Variants in PTPRG observed in about 807,000 individuals in gnomAD.
The protein encoded by PTPRG is protein tyrosine phosphatase receptor type G.
A neutral mutation model predicts 165.3 loss-of-function variants in PTPRG; 102 were observed. The ratio of observed to expected loss-of-function variants is 0.62; its 90% confidence interval spans 0.53 to 0.73. The LOEUF is 0.73. Among genes scored for constraint, PTPRG ranks in the 30% least tolerant of loss-of-function variants. The probability of loss-of-function intolerance (pLI) is 0.00; values close to 1 mark genes in which losing one functional copy is unlikely to be tolerated. For missense variants in PTPRG, 1,866 were observed against 1,861.4 expected (o/e 1.00, Z -0.05); for synonymous variants, 675 against 669.5 (o/e 1.01, Z -0.13).
chr3:62,158,049 T>C (rs770666361), intron 7 of PTPRG, among the ~76,000 whole-genome samples: 1 of 152,114 alleles, frequency 6.6e-6, no homozygotes, highest in Non-Finnish European at 1.5e-5. Flanking sequence ...GACCACTATA[T>C]TGTACTGCTT....
chr3:61,767,044 G>A (rs1316596195), intron 2 of PTPRG, among the ~76,000 whole-genome samples: 4 of 151,638 alleles, frequency 2.6e-5, no homozygotes, highest in Non-Finnish European at 5.9e-5. Context: ...AGGAGTTCGA[G>A]ACCATCCCGG....
chr3:62,264,681 C>G (rs1010872228), intron 17 of PTPRG, among the ~76,000 whole-genome samples: 3 of 152,072 alleles, frequency 2.0e-5, no homozygotes, highest in Admixed American at 1.3e-4. Context: ...AGCATTTTGT[C>G]TATTCATTCA....
intron 2 of PTPRG, among the ~76,000 whole-genome samples, chr3:61,880,377 C>A (rs566874121): frequency 6.6e-6 from 1 of 152,102 alleles, no homozygotes; most frequent in Non-Finnish European, 1.5e-5. Context: ...CCCAGAACTT[C>A]GGGAGACCAA....
At chr3:61,643,281 G>GAGAGAGAGAGAGAC (rs1702114067) in intron 1 of PTPRG, among the ~76,000 whole-genome samples, 1 of 151,954 alleles carries the variant, frequency 6.6e-6, no homozygotes, top group Non-Finnish European at 1.5e-5. Context: ...GAGAGAAAGA[G>GAGAGAGAGAGAGAC]AGAGAGAGAG....
At chr3:62,079,449 A>G (rs901017236) in intron 5 of PTPRG, among the ~76,000 whole-genome samples, 1 of 152,242 alleles carries the variant, frequency 6.6e-6, no homozygotes, top group Non-Finnish European at 1.5e-5. Flanking sequence ...GTGACGTAAA[A>G]TAATATAGAA....
chr3:61,779,290 GTGGAAGATATAA>G (rs1481279479), intron 2 of PTPRG, among the ~76,000 whole-genome samples: 3 of 152,314 alleles, frequency 2.0e-5, no homozygotes, highest in Admixed American at 1.3e-4. Flanking sequence ...GGAGGAAAAA[GTGGAAGATATAA>G]TGCTATACAA....
At chr3:62,178,994 T>C (rs767312885) in intron 8 of PTPRG, among the ~76,000 whole-genome samples, 2 of 152,156 alleles carry the variant, frequency 1.3e-5, no homozygotes, top group Non-Finnish European at 1.5e-5. Flanking sequence ...CTGCGAGACA[T>C]TGGTGTGCCT....
intron 4 of PTPRG, among the ~76,000 whole-genome samples, chr3:62,031,680 G>T (rs1345275021): frequency 6.6e-6 from 1 of 152,144 alleles, no homozygotes; most frequent in East Asian, 1.9e-4. Context: ...GCTAAGTGAT[G>T]GTGGTTACTA....
Position 61,629,837 on chromosome 3 carries a change from G to T in PTPRG, c.85+67465G>T, listed in dbSNP as rs550226731. Among the ~76,000 whole-genome samples the T allele has an allele frequency of 2.2e-4, 33 of 152,292 alleles. No individual in the cohort carries two copies. In the South Asian group the frequency reaches 6.4e-3, roughly 30 times the overall value. On this transcript the variant is annotated intron_variant, in intron 1 of 29. Coordinates refer to ENST00000474889, the MANE Select transcript of PTPRG (RefSeq NM_002841.4). ...TCCTAGAGGCTCTCTGTGTTAACTG[G>T]CATTGTTTAAGTGTAACATGTCTTC...
intron 1 of PTPRG, among the ~76,000 whole-genome samples, chr3:61,727,039 T>C (rs1575613205): frequency 7.4e-6 from 1 of 135,756 alleles, no homozygotes. Flanking sequence ...ACAGTGAGAC[T>C]CCGTCTCAAA....
At chr3:62,028,923 G>T (rs1360179526) in intron 4 of PTPRG, among the ~76,000 whole-genome samples, 1 of 152,130 alleles carries the variant, frequency 6.6e-6, no homozygotes, top group Admixed American at 6.5e-5. Context: ...TACTCACTGA[G>T]AGTCCTTTGG....
intron 1 of PTPRG, among the ~76,000 whole-genome samples, chr3:61,737,971 C>T (rs1324552504): frequency 1.3e-5 from 2 of 149,834 alleles, no homozygotes; most frequent in African/African-American, 4.9e-5. Flanking sequence ...TGCAGTGGCG[C>T]GATCTTGGCT....
intron 10 of PTPRG, among the ~76,000 whole-genome samples, chr3:62,200,254 A>ATTATT (rs1276265149): frequency 2.0e-5 from 3 of 151,912 alleles, no homozygotes; most frequent in South Asian, 2.1e-4. Flanking sequence ...ATTTTATTTT[A>ATTATT]TTATTTTATT....
intron 3 of PTPRG, among the ~76,000 whole-genome samples, chr3:61,990,623 A>G (rs777775113): frequency 5.9e-5 from 9 of 152,214 alleles, no homozygotes; most frequent in Non-Finnish European, 1.3e-4. Flanking sequence ...CTGGGATGTT[A>G]TATTACATCT....
chr3:62,149,683 C>T (rs866901556), intron 6 of PTPRG, among the ~76,000 whole-genome samples: 33 of 152,190 alleles, frequency 2.2e-4, no homozygotes, highest in African/African-American at 7.7e-4. Context: ...TTGGCAGGCC[C>T]TCCTGTTGCC....
chr3:61,838,695 A>G (rs1296982909), intron 2 of PTPRG, among the ~76,000 whole-genome samples: 2 of 152,212 alleles, frequency 1.3e-5, no homozygotes, highest in Non-Finnish European at 2.9e-5. Context: ...TAACACTGTA[A>G]TGTTCCATAT....
intron 7 of PTPRG, among the ~76,000 whole-genome samples, chr3:62,159,175 A>G (rs1217950489): frequency 1.3e-5 from 2 of 152,054 alleles, no homozygotes; most frequent in African/African-American, 4.8e-5. Flanking sequence ...AAAAAAAATT[A>G]AAAAATTATC....
rs1433179926 is a variant in PTPRG, at chr3:62,269,054, G to C, written c.2894G>C (p.Trp965Ser). The stretch of plus-strand genomic sequence containing the variant: ...CTGCAGCGAAAATGTGATCAGTATT[G>C]GCCAACAGAGAACAGTGAGGAATAT... The part of the protein sequence containing the change: ...EKGRRKCDQY[W>S]PTENSEEYGN... Residue 965 changes from tryptophan (W) to serine (S), a missense_variant, in exon 20 of 30, where the codon TGG (tryptophan) becomes TCG (serine). Physicochemically the swap from Trp to Ser is radical, Grantham distance 177 (BLOSUM62 -3). Transcript: ENST00000474889. The C allele has an allele frequency of 6.3e-7, 1 of 1,597,112 alleles. No individual in the cohort carries two copies. The highest frequency in any genetic ancestry group is 8.6e-7 in the Non-Finnish European group (1 of 1,167,686).
At chr3:62,010,370 TTG>T (rs35894531) in intron 4 of PTPRG, among the ~76,000 whole-genome samples, 50 of 149,556 alleles carry the variant, frequency 3.3e-4, no homozygotes, top group South Asian at 1.1e-3. Context: ...CCCTCTCTTC[TTG>T]TGTGTGTGTG....
Sources: allele counts gnomAD v4.1 joint callset (sites outside exome capture counted in the v4.1 genomes callset), GRCh38; gene constraint gnomAD v4.1.1; transcripts MANE v1.5; gene names NCBI Gene and HGNC (gene_info 2026-07-23, HGNC 2026-07-21).